Variants in TRHDE observed in about 807,000 individuals in gnomAD.
TRHDE encodes thyrotropin releasing hormone degrading enzyme.
A neutral mutation model predicts 125.7 loss-of-function variants in TRHDE; 72 were observed. That is an observed-to-expected ratio of 0.57 (90% CI 0.47 to 0.70). TRHDE has a LOEUF of 0.70. Among genes scored for constraint, TRHDE ranks in the 30% least tolerant of loss-of-function variants. The probability of loss-of-function intolerance (pLI) is 0.00; values close to 1 mark genes in which losing one functional copy is unlikely to be tolerated. For synonymous variants in TRHDE, 509 were observed against 509.1 expected, an observed-to-expected ratio of 1.00 and a Z score of 0.00; for missense variants, 1,110 against 1,327.1, an observed-to-expected ratio of 0.84 and a Z score of 2.54.
At chr12:72,140,762 C>A (rs531989302) in intron 2 of TRHDE, among the ~76,000 whole-genome samples, 32 of 152,292 alleles carry the variant, frequency 2.1e-4, no homozygotes, top group Admixed American at 2.0e-3. Context: ...TGCCCATTTT[C>A]CCTGTGCATG....
intron 2 of TRHDE, among the ~76,000 whole-genome samples, chr12:72,232,278 G>C (rs1057170217): frequency 6.6e-6 from 1 of 152,080 alleles, no homozygotes; most frequent in African/African-American, 2.4e-5. Flanking sequence ...AGCAGTCTTC[G>C]GATTGGACAG....
intron 2 of TRHDE, among the ~76,000 whole-genome samples, chr12:72,176,408 C>A (rs937974564): frequency 6.6e-6 from 1 of 152,068 alleles, no homozygotes; most frequent in Non-Finnish European, 1.5e-5. Context: ...GCTGACTCTG[C>A]AGCTGATGCA....
At chr12:72,302,128 CTTGGGT>C in intron 2 of TRHDE, among the ~76,000 whole-genome samples, 1 of 152,044 alleles carries the variant, frequency 6.6e-6, no homozygotes, top group Middle Eastern at 3.4e-3. Context: ...ATGGAATGTT[CTTGGGT>C]TTGTGGAAGA....
chr12:72,495,972 AT>A (rs1877897659), intron 5 of TRHDE, among the ~76,000 whole-genome samples: 1 of 152,230 alleles, frequency 6.6e-6, no homozygotes, highest in African/African-American at 2.4e-5. Flanking sequence ...TCTAGGTAGT[AT>A]CTACATTGAA....
At chr12:72,652,628 A>C (rs377188728) in intron 16 of TRHDE, 139 bp downstream of exon 16, 10 of 503,410 alleles carry the variant, frequency 2.0e-5, no homozygotes, top group African/African-American at 1.6e-4. Context: ...GAAAACTGCC[A>C]TGTTAATGAC....
chr12:72,512,347 A>G (rs559111777), intron 6 of TRHDE, among the ~76,000 whole-genome samples: 56 of 148,050 alleles, frequency 3.8e-4, no homozygotes, highest in Admixed American at 9.7e-4. Flanking sequence ...AATGAAAAAT[A>G]AAAAGTTAGT....
chr12:72,651,350 C>A (rs1012159059), intron 15 of TRHDE, among the ~76,000 whole-genome samples: 1 of 151,928 alleles, frequency 6.6e-6, no homozygotes, highest in Non-Finnish European at 1.5e-5. Flanking sequence ...TTCCTGTTTT[C>A]CAAATACTCC....
In TRHDE at chr12:72,272,818, G is replaced by C; in HGVS notation, c.175G>C (p.Gly59Arg). The C allele has an allele frequency of 6.4e-7, 1 of 1,574,098 alleles. No individual in the cohort carries two copies. The highest frequency in any genetic ancestry group is 8.6e-7 in the Non-Finnish European group (1 of 1,164,530). ...CGCCGCGCTTCGGGCTGGCAGCAGG[G>C]GGCTCTCCGACCCGTGGGCAGACTC... ...DDAALRAGSR[G>R]LSDPWADSVG... is the part of the protein sequence containing the mutation. Residue 59 changes from glycine to arginine, a missense_variant, in exon 1 of 19, where the codon GGG becomes CGG. Gly to Arg is a moderately radical substitution (Grantham distance 125). Around this residue, in one of 5 missense-constraint regions of TRHDE, gnomAD observed 248 missense variants for 240.8 expected, o/e 1.03. Transcript: ENST00000261180. This position sits in a 1 kb window ranked among gnomAD's most constrained non-coding sequence, Gnocchi z 6.7.
chr12:72,584,252 T>C lies in TRHDE; in HGVS notation c.2321+8710T>C, dbSNP rs540616250. ...AAAGCAAAGTATTTTGACATTATTC[T>C]GTAGGTTTGGTCCATTTTATTTTTT... is the stretch of plus-strand genomic sequence containing the variant. On this transcript the variant is annotated intron_variant, in intron 12 of 18. Coordinates refer to ENST00000261180, the MANE Select transcript of TRHDE (RefSeq NM_013381.3). 2.0e-5 allele frequency among the ~76,000 whole-genome samples: 3 copies of C among 152,326 alleles called. No individual in the cohort carries two copies. In the South Asian group the frequency reaches 6.2e-4, roughly 32 times the overall value.
intron 2 of TRHDE, among the ~76,000 whole-genome samples, chr12:72,144,375 T>A (rs1166723355): frequency 6.6e-6 from 1 of 152,056 alleles, no homozygotes; most frequent in African/African-American, 2.4e-5. Flanking sequence ...GCTAGCTGAT[T>A]GTGCTATTGT....
At position 72,239,532 on chromosome 12, in the gene TRHDE, T is replaced by G. The variant is rs532221358; in HGVS notation, n.279+133780T>G. 2.6e-5 allele frequency among the ~76,000 whole-genome samples: 4 copies of G among 152,192 alleles called. No homozygotes were observed. In the East Asian group the frequency reaches 7.7e-4, roughly 29 times the overall value. ...CTTATGGTTTTAGGTCTTAGATCCT[T>G]GATAGATTTTAAAGGTAAAACCAGT... On this transcript the variant is annotated intron_variant and non_coding_transcript_variant, in intron 2 of 4. Transcript: ENST00000548156.
chr12:72,527,925 A>G (rs963038306), intron 6 of TRHDE, among the ~76,000 whole-genome samples: 17 of 152,180 alleles, frequency 1.1e-4, no homozygotes, highest in Admixed American at 7.9e-4. Flanking sequence ...CATTATTCAT[A>G]AAATATGTGG....
chr12:72,141,799 G>T (rs1298985296), intron 2 of TRHDE, among the ~76,000 whole-genome samples: 1 of 152,210 alleles, frequency 6.6e-6, no homozygotes, highest in South Asian at 2.1e-4. Flanking sequence ...AAATTAGAGT[G>T]GGGGTATTGT....
At chr12:72,596,826 TAGA>T (rs1332657308) in intron 12 of TRHDE, among the ~76,000 whole-genome samples, 33 of 152,314 alleles carry the variant, frequency 2.2e-4, no homozygotes, top group Admixed American at 4.6e-4. Flanking sequence ...CAGATGAATG[TAGA>T]AGAAGGAGGA....
chr12:72,371,743 A>G (rs541066901), intron 2 of TRHDE, among the ~76,000 whole-genome samples: 1 of 152,172 alleles, frequency 6.6e-6, no homozygotes, highest in South Asian at 2.1e-4. Context: ...ATGGCCGCAT[A>G]GTATTCCATG....
chr12:72,634,953 A>AATAAAC (rs1873669194), intron 15 of TRHDE, among the ~76,000 whole-genome samples: 1 of 152,158 alleles, frequency 6.6e-6, no homozygotes, highest in Non-Finnish European at 1.5e-5. Flanking sequence ...ATAATGACAC[A>AATAAAC]ATAAACATAC....
chr12:72,408,904 A>G (rs1873378084), intron 3 of TRHDE, among the ~76,000 whole-genome samples: 1 of 152,198 alleles, frequency 6.6e-6, no homozygotes, highest in African/African-American at 2.4e-5. Flanking sequence ...AGTCTAATAT[A>G]TGAATTCTCA....
intron 1 of TRHDE, chr12:72,274,809 A>C (rs74103694): frequency 6.6e-6 from 1 of 152,218 alleles, no homozygotes; most frequent in Non-Finnish European, 1.5e-5. Flanking sequence ...AATGCATTAC[A>C]AAGTACTTAC....
intron 2 of TRHDE, among the ~76,000 whole-genome samples, chr12:72,154,837 C>T (rs1876464525): frequency 6.6e-6 from 1 of 152,154 alleles, no homozygotes; most frequent in Non-Finnish European, 1.5e-5. Context: ...TTTTTTCCTT[C>T]ATTTCAACTT....
Sources: allele counts gnomAD v4.1 joint callset (sites outside exome capture counted in the v4.1 genomes callset), GRCh38; gene constraint gnomAD v4.1.1; regional missense constraint gnomAD v4.1.1; non-coding constraint Gnocchi (gnomAD v3.1); transcripts MANE v1.5; gene names NCBI Gene and HGNC (gene_info 2026-07-23, HGNC 2026-07-21).